The following ASXL2 variants were observed in gnomAD, a reference collection of about 807,000 sequenced individuals.
The protein encoded by ASXL2 is ASXL transcriptional regulator 2.
Under a neutral mutation model 122.0 loss-of-function variants are expected in ASXL2, and 23 were observed. The ratio of observed to expected loss-of-function variants is 0.19; its 90% CI spans 0.14 to 0.27. The LOEUF is 0.27. Ranked by LOEUF, ASXL2 falls within the 10% of genes least tolerant of loss-of-function variation. The probability of loss-of-function intolerance (pLI) is 1.00; values close to 1 mark genes in which losing one functional copy is unlikely to be tolerated. For missense variants in ASXL2, 1,518 were observed against 1,713.8 expected, an observed-to-expected ratio of 0.89 and a Z score of 2.02; for synonymous variants, 650 against 637.0, an observed-to-expected ratio of 1.02 and a Z score of -0.31.
At chr2:25,844,401 T>C (rs930227627) in intron 2 of ASXL2, among the ~76,000 whole-genome samples, 5 of 151,884 alleles carry the variant, frequency 3.3e-5, no homozygotes, top group South Asian at 2.1e-4. Context: ...GGCAAAATGG[T>C]GAAACCCTGT....
intron 1 of ASXL2, among the ~76,000 whole-genome samples, chr2:25,871,613 C>CA (rs1048052556): frequency 1.3e-5 from 2 of 152,128 alleles, no homozygotes; most frequent in African/African-American, 4.8e-5. Flanking sequence ...GTTTTTGAGA[C>CA]AGAGTTTCAC....
intron 5 of ASXL2, among the ~76,000 whole-genome samples, chr2:25,773,677 A>AC (rs1330732327): frequency 2.0e-5 from 3 of 150,906 alleles, no homozygotes; most frequent in Admixed American, 6.6e-5. Context: ...AAAAAAAAAA[A>AC]ACAAAAATCA....
At chr2:25,813,034 A>AAAGAGATTAC (rs1438636352) in intron 3 of ASXL2, among the ~76,000 whole-genome samples, 1 of 152,208 alleles carries the variant, frequency 6.6e-6, no homozygotes, top group Non-Finnish European at 1.5e-5. Flanking sequence ...ACAGAACTAG[A>AAAGAGATTAC]AAGAGATTAC....
intron 1 of ASXL2, among the ~76,000 whole-genome samples, chr2:25,848,260 G>A (rs1432567095): frequency 6.6e-6 from 1 of 152,074 alleles, no homozygotes; most frequent in African/African-American, 2.4e-5. Flanking sequence ...AATATATTCT[G>A]CAAAACAAGG....
chr2:25,792,979 G>A (rs1201206447), intron 5 of ASXL2, among the ~76,000 whole-genome samples: 3 of 151,896 alleles, frequency 2.0e-5, no homozygotes, highest in East Asian at 1.9e-4. Context: ...TAGGCCGGGC[G>A]TGGCGGCTCA....
At chr2:25,758,291 C>G (rs2088175266) in intron 9 of ASXL2, among the ~76,000 whole-genome samples, 1 of 152,200 alleles carries the variant, frequency 6.6e-6, no homozygotes, top group East Asian at 1.9e-4. Flanking sequence ...GTAGCTTACT[C>G]ATTCTCTGTT....
At position 25,742,333 on chromosome 2, in the gene ASXL2, G is replaced by GT; in HGVS notation, c.4003dup (p.Thr1335AsnfsTer4). ...AGAGTTATGGTCCATGTCAGATGAGGTGGAGACATTGATCATGCCTCTATA... is the reference window on the plus strand; with the variant it reads ...AGAGTTATGGTCCATGTCAGATGAGGTTGGAGACATTGATCATGCCTCTATA... On this transcript the variant is annotated frameshift_variant, in exon 13 of 13. Coordinates refer to ENST00000435504, the MANE Select transcript of ASXL2 (RefSeq NM_018263.6). LOFTEE classifies it high-confidence loss of function. 6.2e-7 allele frequency: 1 copy of GT among 1,611,608 alleles called. No homozygotes were observed. The highest frequency in any genetic ancestry group is 8.5e-7 in the Non-Finnish European group (1 of 1,178,858).
rs546230209 is a variant in ASXL2, at chr2:25,741,266, T to G, written c.*763A>C. 1 of 225,514 alleles carries G rather than the reference T, an allele frequency of 4.4e-6. No homozygotes were observed. The highest frequency in any genetic ancestry group is 6.4e-5 in the East Asian group (1 of 15,622). 14.0% of individuals were successfully genotyped at this position (225,514 alleles called of 1,614,324 possible). ...AACACAGGGGGTCCCAGAGAGGCACTCCCTTCACGGACTACATTCACTGTC... is the reference window on the plus strand; with the variant it reads ...AACACAGGGGGTCCCAGAGAGGCACGCCCTTCACGGACTACATTCACTGTC... On this transcript the variant is annotated 3_prime_UTR_variant, in exon 13 of 13. Transcript: ENST00000435504.
At chr2:25,782,208 G>A (rs892578668) in intron 5 of ASXL2, among the ~76,000 whole-genome samples, 4 of 151,784 alleles carry the variant, frequency 2.6e-5, no homozygotes, top group Admixed American at 6.6e-5. Flanking sequence ...GATTCTTGTC[G>A]CCGGTTACTC....
At chr2:25,755,927 T>C in intron 10 of ASXL2, 91 bp downstream of exon 10, 1 of 1,078,972 alleles carries the variant, frequency 9.3e-7, no homozygotes, top group Non-Finnish European at 1.4e-6. Flanking sequence ...TCCTGTCCTT[T>C]ACCTTCCAAA....
chr2:25,831,712 A>G (rs2089456394), intron 3 of ASXL2, among the ~76,000 whole-genome samples: 1 of 152,214 alleles, frequency 6.6e-6, no homozygotes, highest in Admixed American at 6.5e-5. Context: ...AAAGTAATAA[A>G]GAAAAATGAA....
Position 25,767,714 on chromosome 2 carries a change from C to T in ASXL2, c.644G>A (p.Gly215Glu). Residue 215 changes from glycine to glutamate, a missense_variant, in exon 8 of 13, where the codon GGA (glycine) becomes GAA (glutamate). Physicochemically the swap from Gly to Glu is moderately conservative, Grantham distance 98. Around this residue, in one of 8 missense-constraint regions of ASXL2, gnomAD observed 198 missense variants for 209.0 expected, o/e 0.95. Coordinates refer to ENST00000435504, the MANE Select transcript of ASXL2 (RefSeq NM_018263.6). ...GCCTGTCTGTCCATCAGATTGCTTT[C>T]CTTCCCATGTTGCTAGGAGAAAAAA... ...SVPAKPATWE[G>E]KQSDGQTGSP... 1.2e-6 allele frequency: 2 copies of T among 1,613,866 alleles called. No homozygotes were observed. Among genetic ancestry groups the T allele is most frequent in the Non-Finnish European group, 1.7e-6 (2 of 1,179,842 alleles).
intron 3 of ASXL2, among the ~76,000 whole-genome samples, chr2:25,828,278 G>C (rs2089402174): frequency 6.6e-6 from 1 of 151,982 alleles, no homozygotes; most frequent in Non-Finnish European, 1.5e-5. Context: ...GGCCGAGGCA[G>C]GTGGATCACG....
chr2:25,765,179 C>G (rs544974251), intron 8 of ASXL2, among the ~76,000 whole-genome samples: 1 of 152,266 alleles, frequency 6.6e-6, no homozygotes, highest in African/African-American at 2.4e-5. Context: ...ACTTCTTCCA[C>G]GTGTTTTGAA....
intron 5 of ASXL2, among the ~76,000 whole-genome samples, chr2:25,773,535 G>A (rs191594534): frequency 2.8e-4 from 42 of 150,676 alleles, no homozygotes; most frequent in Admixed American, 1.7e-3. Flanking sequence ...GTGTGGTGGC[G>A]GGCGCTTGTA....
chr2:25,858,242 TATA>T (rs2089803591), intron 1 of ASXL2, among the ~76,000 whole-genome samples: 1 of 152,266 alleles, frequency 6.6e-6, no homozygotes, highest in African/African-American at 2.4e-5. Flanking sequence ...TGATAATATT[TATA>T]ATATTTCCCT....
chr2:25,781,003 G>A (rs2088625116), intron 5 of ASXL2, among the ~76,000 whole-genome samples: 1 of 145,516 alleles, frequency 6.9e-6, no homozygotes, highest in African/African-American at 2.6e-5. Context: ...AGAATGGTGT[G>A]AACCCAGAAG....
At chr2:25,810,106 C>G (rs2089144806) in intron 3 of ASXL2, 1 of 551,868 alleles carries the variant, frequency 1.8e-6, no homozygotes, top group African/African-American at 1.9e-5. Flanking sequence ...GAATCTTGAT[C>G]TCTTCCACGT....
intron 3 of ASXL2, among the ~76,000 whole-genome samples, chr2:25,815,904 T>C (rs1476520288): frequency 6.6e-6 from 1 of 151,970 alleles, no homozygotes; most frequent in Admixed American, 6.6e-5. Context: ...TTTACAGAGA[T>C]AGGAAAGGGA....
Sources: gnomAD v4.1 joint callset for allele counts (sites outside exome capture counted in the v4.1 genomes callset) on GRCh38, gnomAD v4.1.1 for gene constraint, gnomAD v4.1.1 regional missense constraint, MANE v1.5 for transcripts, NCBI Gene and HGNC (gene_info 2026-07-23, HGNC 2026-07-21) for gene names.